RBPMS2: variants seen among roughly 807,000 people sequenced by gnomAD.
The protein encoded by RBPMS2 is RNA-binding protein with multiple splicing 2.
In RBPMS2, 14 loss-of-function variants were observed where a neutral mutation model predicts 25.7. The observed-to-expected ratio is 0.55, with a 90% CI of 0.36 to 0.85. The LOEUF is 0.85. RBPMS2 is among the 40% of genes least tolerant of loss of function. The pLI, the probability that RBPMS2 is intolerant of heterozygous loss-of-function variation, is 0.01. For synonymous variants in RBPMS2, 127 were observed against 115.6 expected (o/e 1.10, Z -0.63); for missense variants, 252 against 283.4 (o/e 0.89, Z 0.80).
intron 1 of RBPMS2, among the ~76,000 whole-genome samples, chr15:64,764,295 T>C (rs1382883010): frequency 6.6e-6 from 1 of 152,196 alleles, no homozygotes; most frequent in Admixed American, 6.5e-5. Flanking sequence ...CAGAAGGGAC[T>C]AGATTCAAGG....
chr15:64,745,194 G>C lies in RBPMS2; in HGVS notation c.567+3225C>G, dbSNP rs967238428. ...TACCTATAGATTTACTTATACACCT[G>C]CTCCAAACTACCTATCGAACTGAAG... On this transcript the variant is annotated intron_variant, in intron 6 of 7. Transcript: ENST00000300069. Among the ~76,000 whole-genome samples, 38 of 152,260 alleles carry C rather than the reference G, an allele frequency of 2.5e-4. 1 individual carries two copies. The highest frequency in any genetic ancestry group is 9.1e-4 in the African/African-American group (38 of 41,546).
chr15:64,748,643 A>G, intron 5 of RBPMS2, 76 bp from the exon 6 acceptor site: 2 of 1,487,528 alleles, frequency 1.3e-6, no homozygotes, highest in African/African-American at 1.4e-5. Context: ...ACCCAGCACT[A>G]TGGTTGAGCC....
rs1429400493 is a variant in RBPMS2 at position 64,749,438 on chromosome 15, G to A, written c.260C>T (p.Ala87Val). The A allele has an allele frequency of 3.1e-6, 5 of 1,612,972 alleles. No homozygotes were observed. Among genetic ancestry groups the A allele is most frequent in the Admixed American group, 1.7e-5 (1 of 59,820 alleles). Reference protein sequence around the residue: ...SRAGAEAAKNALNGIRFDPEN... With the variant: ...SRAGAEAAKNVLNGIRFDPEN... ...TGTTCTCCACCTACTCACGTTCAGC[G>A]CATTCTTGGCCGCTTCTGCTCCTGC... The change falls in exon 4 of 8, where the codon GCG (alanine) becomes GTG (valine). Residue 87 changes from alanine to valine, a missense_variant. Physicochemically the swap from Ala to Val is moderately conservative, Grantham distance 64. Coordinates refer to ENST00000300069, the MANE Select transcript of RBPMS2 (RefSeq NM_194272.3).
At position 64,762,610 on chromosome 15, in the gene RBPMS2, C is replaced by T. The variant is rs2083800561; in HGVS notation, c.88-10972G>A. 5.8e-5 allele frequency: 27 copies of T among 464,862 alleles called. 1 individual carries two copies. Among genetic ancestry groups the T allele is most frequent in the South Asian group, 4.2e-4 (26 of 61,468 alleles). The allele number at this position is 464,862 out of a possible 1,614,324, so 28.8% of individuals were successfully genotyped here. A position where few individuals can be genotyped will look rare whatever the true frequency, so the allele number is the denominator to read the frequency against. ...CACTGACGAGATTCCAAACAAAAGA[C>T]AAAGAACCTCAAAACAACGTCAGGA... is the stretch of plus-strand genomic sequence containing the variant. On this transcript the variant is annotated intron_variant, in intron 1 of 7. Transcript: ENST00000300069.
chr15:64,767,292 G>A (rs1376027185), intron 1 of RBPMS2, among the ~76,000 whole-genome samples: 2 of 152,122 alleles, frequency 1.3e-5, no homozygotes, highest in African/African-American at 4.8e-5. Context: ...AAGTGTAGGG[G>A]ACAGGTTCTG....
In RBPMS2 at chr15:64,768,743, G is replaced by C. The variant is rs8028589; in HGVS notation, c.87+6490C>G. On this transcript the variant is annotated intron_variant, in intron 1 of 7. Coordinates refer to ENST00000300069, the MANE Select transcript of RBPMS2 (RefSeq NM_194272.3). ...GCCCAGGAGATCGAGGCTGCTGTGA[G>C]CTATGATCATGCCACTGCACTCCAG... 1.9e-3 allele frequency among the ~76,000 whole-genome samples: 284 copies of C among 151,552 alleles called. 1 individual carries two copies. The highest frequency in any genetic ancestry group is 6.6e-3 in the African/African-American group (273 of 41,282).
chr15:64,754,952 T>G (rs1007687237), intron 1 of RBPMS2, among the ~76,000 whole-genome samples: 1 of 152,130 alleles, frequency 6.6e-6, no homozygotes, highest in African/African-American at 2.4e-5. Flanking sequence ...AAGCAGGACA[T>G]GATTTGGGTC....
chr15:64,744,533 G>A (rs1218768771), intron 6 of RBPMS2, among the ~76,000 whole-genome samples: 2 of 149,638 alleles, frequency 1.3e-5, no homozygotes, highest in Non-Finnish European at 3.0e-5. Flanking sequence ...ACTCCAGCCT[G>A]GGCAACAAGA....
chr15:64,773,824 A>G (rs2083908811), intron 1 of RBPMS2, among the ~76,000 whole-genome samples: 1 of 152,136 alleles, frequency 6.6e-6, no homozygotes, highest in African/African-American at 2.4e-5. Context: ...CCCAACTGTC[A>G]AGGGAGATTC....
chr15:64,744,644 C>T (rs1437625717), intron 6 of RBPMS2, among the ~76,000 whole-genome samples: 1 of 151,218 alleles, frequency 6.6e-6, no homozygotes, highest in Non-Finnish European at 1.5e-5. Flanking sequence ...GTATAGCTAT[C>T]AGTAAGCAAA....
chr15:64,773,005 C>T (rs1271831155), intron 1 of RBPMS2, among the ~76,000 whole-genome samples: 3 of 152,282 alleles, frequency 2.0e-5, no homozygotes, highest in Non-Finnish European at 4.4e-5. Context: ...ATGAAAAATA[C>T]ACTCCCTTCG....
At chr15:64,750,795 T>C (rs2141060632) in intron 2 of RBPMS2, among the ~76,000 whole-genome samples, 1 of 152,280 alleles carries the variant, frequency 6.6e-6, no homozygotes, top group East Asian at 1.9e-4. Flanking sequence ...ATCCCAGCAC[T>C]TTGGGAGGCC....
chr15:64,772,533 A>C (rs976984583), intron 1 of RBPMS2, among the ~76,000 whole-genome samples: 1 of 151,834 alleles, frequency 6.6e-6, no homozygotes, highest in Non-Finnish European at 1.5e-5. Flanking sequence ...CTAATTCCAA[A>C]CTCTCATTAT....
At chr15:64,770,967 G>A (rs898649667) in intron 1 of RBPMS2, among the ~76,000 whole-genome samples, 4 of 152,212 alleles carry the variant, frequency 2.6e-5, no homozygotes, top group African/African-American at 9.6e-5. Context: ...GCCACACTGG[G>A]ATGAGGTGGA....
chr15:64,768,256 C>A lies in RBPMS2; in HGVS notation c.87+6977G>T, dbSNP rs557981234. Reference sequence around the variant, plus strand: ...GGGCGTGGCAACTCACATCTGTAACCCCAGCAGTTTGGGAGGCAAGGCAGG... The same window carrying A: ...GGGCGTGGCAACTCACATCTGTAACACCAGCAGTTTGGGAGGCAAGGCAGG... On this transcript the variant is annotated intron_variant, in intron 1 of 7. Transcript: ENST00000300069. Among the ~76,000 whole-genome samples, 22 of 152,224 alleles carry A rather than the reference C, an allele frequency of 1.4e-4. No homozygotes were observed. The South Asian group carries it at 4.6e-3, about 32-fold the overall frequency.
intron 2 of RBPMS2, among the ~76,000 whole-genome samples, chr15:64,750,695 A>G (rs549454450): frequency 9.8e-5 from 15 of 152,348 alleles, no homozygotes; most frequent in African/African-American, 3.6e-4. Context: ...GCAAACTGAA[A>G]AGGCTACACT....
chr15:64,774,242 C>G (rs1242507149), intron 1 of RBPMS2, among the ~76,000 whole-genome samples: 1 of 152,190 alleles, frequency 6.6e-6, no homozygotes, highest in Non-Finnish European at 1.5e-5. Context: ...GTTTCCTGGG[C>G]GAGAACATGC....
intron 6 of RBPMS2, among the ~76,000 whole-genome samples, chr15:64,743,384 G>C (rs2083582306): frequency 6.6e-6 from 1 of 152,240 alleles, no homozygotes; most frequent in Non-Finnish European, 1.5e-5. Flanking sequence ...GGGACTCCTT[G>C]GGGAGAAAGT....
intron 6 of RBPMS2, among the ~76,000 whole-genome samples, chr15:64,745,413 A>G (rs569976570): frequency 1.4e-4 from 21 of 152,324 alleles, no homozygotes; most frequent in African/African-American, 4.8e-4. Flanking sequence ...CAAAAACCCT[A>G]TGAAGTAGAT....
Sources: allele counts gnomAD v4.1 joint callset (sites outside exome capture counted in the v4.1 genomes callset), GRCh38; gene constraint gnomAD v4.1.1; transcripts MANE v1.5; gene names NCBI Gene and HGNC (gene_info 2026-07-23, HGNC 2026-07-21).